The following SLC15A2 variants were observed in gnomAD, a reference collection of about 807,000 sequenced individuals.
The protein encoded by SLC15A2 is kidney H(+)/peptide cotransporter.
SLC15A2 carries 77 observed loss-of-function variants against 95.5 expected under a neutral mutation model. The observed-to-expected ratio is 0.81, with a 90% CI of 0.67 to 0.97. The LOEUF (loss-of-function observed/expected upper bound fraction) is 0.97. Among genes scored for constraint, SLC15A2 ranks in the 50% least tolerant of loss-of-function variants. SLC15A2 has a pLI of 0.00. For missense variants in SLC15A2, 893 were observed against 874.4 expected (o/e 1.02, Z -0.27); for synonymous variants, 306 against 306.9 (o/e 1.00, Z 0.03).
intron 7 of SLC15A2, among the ~76,000 whole-genome samples, chr3:121,917,491 C>A (rs913855188): frequency 3.9e-5 from 6 of 152,024 alleles, no homozygotes; most frequent in African/African-American, 1.5e-4. Flanking sequence ...GAGTTTGAGA[C>A]CATCCTGGAC....
At chr3:121,930,282 G>T (rs553593291) in intron 17 of SLC15A2, among the ~76,000 whole-genome samples, 3 of 152,144 alleles carry the variant, frequency 2.0e-5, no homozygotes, top group Non-Finnish European at 1.5e-5. Flanking sequence ...CAGAAAAATA[G>T]AAAGATGGTC....
Position 121,937,309 on chromosome 3 carries a change from C to G in SLC15A2, c.1762-2040C>G, listed in dbSNP as rs62269179. On this transcript the variant is annotated intron_variant, in intron 19 of 21. Coordinates refer to ENST00000489711, the MANE Select transcript of SLC15A2 (RefSeq NM_021082.4). ...TGTATTTCCTGAATCTGAACGTTGGCCTGCCTTGCTAGATTGGGGAAGTTC... is the reference window on the plus strand; with the variant it reads ...TGTATTTCCTGAATCTGAACGTTGGGCTGCCTTGCTAGATTGGGGAAGTTC... Among the ~76,000 whole-genome samples, 721 of 85,538 alleles carry G rather than the reference C, an allele frequency of 8.4e-3. 4 individuals carry two copies. Among genetic ancestry groups the G allele is most frequent in the Middle Eastern group, 0.04 (10 of 252 alleles). The allele number at this position is 85,538 out of a possible 152,430, so 56.1% of individuals were successfully genotyped here.
intron 11 of SLC15A2, among the ~76,000 whole-genome samples, chr3:121,923,880 C>T (rs1346423032): frequency 6.6e-6 from 1 of 152,122 alleles, no homozygotes; most frequent in Non-Finnish European, 1.5e-5. Context: ...TATTTGGAGC[C>T]TGCAAAATAT....
chr3:121,915,598 C>T lies in SLC15A2; in HGVS notation c.620-18C>T. On this transcript the variant is annotated intron_variant, in intron 6 of 21. Coordinates refer to ENST00000489711, the MANE Select transcript of SLC15A2 (RefSeq NM_021082.4). ...AAGACTCAGAGTTACTTTCCTCCTC[C>T]CATCCCATTTTCTTTAGGAGATGTG... 1 of 1,595,124 alleles carries T rather than the reference C, an allele frequency of 6.3e-7. No individual in the cohort carries two copies. Among genetic ancestry groups the T allele is most frequent in the Non-Finnish European group, 8.6e-7 (1 of 1,162,794 alleles).
intron 19 of SLC15A2, among the ~76,000 whole-genome samples, chr3:121,937,873 GT>G (rs578237211): frequency 0.016 from 2,404 of 151,670 alleles, 56 homozygotes; most frequent in African/African-American, 0.055. Context: ...TTTCTGTTCT[GT>G]TTTTTCCCCA....
At chr3:121,938,268 C>T (rs562217996) in intron 19 of SLC15A2, among the ~76,000 whole-genome samples, 10 of 152,362 alleles carry the variant, frequency 6.6e-5, no homozygotes, top group South Asian at 2.1e-4. Flanking sequence ...GCAGGCAGGC[C>T]GCCTTGAGCT....
intron 3 of SLC15A2, among the ~76,000 whole-genome samples, chr3:121,899,851 T>C (rs768552722): frequency 5.9e-5 from 9 of 152,214 alleles, no homozygotes; most frequent in Non-Finnish European, 1.3e-4. Flanking sequence ...CTAAGATCAC[T>C]GGTAAGAATT....
chr3:121,940,557 C>T, intron 21 of SLC15A2, 69 bp downstream of exon 21: 1 of 1,274,510 alleles, frequency 7.8e-7, no homozygotes, highest in Non-Finnish European at 1.1e-6. Context: ...TTCTCCCTTT[C>T]CCCCATCTCT....
chr3:121,895,468 G>A (rs895364359), intron 1 of SLC15A2: 2 of 152,064 alleles, frequency 1.3e-5, no homozygotes, highest in Non-Finnish European at 2.9e-5. Context: ...TATCCCTAGG[G>A]TTAAAAGAAT....
intron 19 of SLC15A2, among the ~76,000 whole-genome samples, chr3:121,933,838 A>G (rs1710282701): frequency 6.8e-6 from 1 of 147,384 alleles, no homozygotes; most frequent in African/African-American, 2.5e-5. Context: ...GTCCTTGCCC[A>G]TGCCTATGTC....
intron 11 of SLC15A2, among the ~76,000 whole-genome samples, chr3:121,924,092 A>G (rs1223017468): frequency 6.6e-6 from 1 of 152,142 alleles, no homozygotes; most frequent in Middle Eastern, 3.2e-3. Context: ...TTCTCTTTCA[A>G]GTTAAGGAAA....
intron 20 of SLC15A2, 69 bp downstream of exon 20, chr3:121,939,564 A>T: frequency 7.4e-7 from 1 of 1,346,526 alleles, no homozygotes. Flanking sequence ...TAATTCTAGC[A>T]CTGACTTAAA....
intron 12 of SLC15A2, among the ~76,000 whole-genome samples, chr3:121,924,692 C>T (rs1710078038): frequency 6.6e-6 from 1 of 152,142 alleles, no homozygotes; most frequent in Non-Finnish European, 1.5e-5. Context: ...GAGGAAAGAG[C>T]TCACAATAAG....
intron 5 of SLC15A2, among the ~76,000 whole-genome samples, chr3:121,914,119 C>T (rs892951069): frequency 2.6e-5 from 4 of 152,094 alleles, no homozygotes; most frequent in Admixed American, 6.6e-5. Context: ...GTCCATAGAT[C>T]ATAATTGCTT....
At chr3:121,910,957 T>C (rs1409067933) in intron 3 of SLC15A2, among the ~76,000 whole-genome samples, 1 of 152,206 alleles carries the variant, frequency 6.6e-6, no homozygotes, top group African/African-American at 2.4e-5. Flanking sequence ...GCTCCTTTCT[T>C]ACCCTTGTTA....
intron 3 of SLC15A2, among the ~76,000 whole-genome samples, chr3:121,901,070 G>A (rs1920300): frequency 0.017 from 2,626 of 151,952 alleles, 75 homozygotes; most frequent in African/African-American, 0.061. Context: ...CCAGGCTGGA[G>A]TGCAGTGATG....
chr3:121,922,179 T>G, intron 7 of SLC15A2, 41 bp from the exon 8 acceptor site: 2 of 1,548,472 alleles, frequency 1.3e-6, no homozygotes, highest in Non-Finnish European at 1.8e-6. Flanking sequence ...ACCAACCTAA[T>G]AAATGAGAAG....
chr3:121,928,907 G>C, intron 15 of SLC15A2, 75 bp from the exon 16 acceptor site: 1 of 1,508,650 alleles, frequency 6.6e-7, no homozygotes, highest in South Asian at 1.3e-5. Context: ...CACCTACCCT[G>C]AGATGCTACA....
intron 3 of SLC15A2, among the ~76,000 whole-genome samples, chr3:121,906,650 TG>T (rs1160553415): frequency 6.6e-6 from 1 of 152,252 alleles, no homozygotes; most frequent in African/African-American, 2.4e-5. Context: ...AATTCTGGGT[TG>T]AAAATTCTTT....
Sources: allele counts gnomAD v4.1 joint callset (sites outside exome capture counted in the v4.1 genomes callset), GRCh38; gene constraint gnomAD v4.1.1; transcripts MANE v1.5; gene names NCBI Gene and HGNC (gene_info 2026-07-23, HGNC 2026-07-21).